Variants in OTOP1 observed in about 807,000 individuals in gnomAD.
OTOP1 encodes otopetrin 1.
In OTOP1, 59 loss-of-function variants were observed where a neutral mutation model predicts 52.9. The ratio of observed to expected loss-of-function variants is 1.12; its 90% CI spans 0.91 to 1.39. The LOEUF (loss-of-function observed/expected upper bound fraction) is 1.39. Ranked by LOEUF, OTOP1 falls within the 40% of genes most tolerant of loss-of-function variation. The pLI is 0.00. For missense variants in OTOP1, 761 were observed against 800.9 expected, an observed-to-expected ratio of 0.95 and a Z score of 0.60; for synonymous variants, 317 against 337.7, an observed-to-expected ratio of 0.94 and a Z score of 0.67.
Position 4,198,021 on chromosome 4 carries a change from G to T in OTOP1, c.813C>A (p.Tyr271Ter), listed in dbSNP as rs140023071. ...TAISHGIYYL[Y>*]PFNIEYQILA... Reference sequence around the variant, plus strand: ...GGATCTGATACTCTATGTTGAAGGGGTAGAGGTAGTAGATCCCGTGGGAGA... The same window carrying T: ...GGATCTGATACTCTATGTTGAAGGGTTAGAGGTAGTAGATCCCGTGGGAGA... Residue 271 changes from tyrosine (Y) to a stop codon, truncating the protein, a stop_gained, in exon 5 of 6, where the codon TAC becomes TAA. Transcript: ENST00000296358. LOFTEE classifies it high-confidence loss of function. 70 of 1,613,994 alleles carry T rather than the reference G, an allele frequency of 4.3e-5. No individual in the cohort carries two copies. The highest frequency in any genetic ancestry group is 5.6e-5 in the Non-Finnish European group (66 of 1,179,988).
intron 3 of OTOP1, among the ~76,000 whole-genome samples, chr4:4,205,358 T>C (rs182791271): frequency 3.2e-4 from 49 of 152,344 alleles, no homozygotes; most frequent in African/African-American, 1.1e-3. Flanking sequence ...CAGGGGACAT[T>C]GCCTCTCCCT....
chr4:4,204,962 C>T (rs1446710119), intron 3 of OTOP1, among the ~76,000 whole-genome samples: 22 of 151,992 alleles, frequency 1.4e-4, no homozygotes, highest in Admixed American at 1.2e-3. Context: ...TTAGTAGAGA[C>T]GGGGTTTCAC....
At chr4:4,195,813 G>A (rs949022363) in intron 5 of OTOP1, among the ~76,000 whole-genome samples, 1 of 152,150 alleles carries the variant, frequency 6.6e-6, no homozygotes, top group Non-Finnish European at 1.5e-5. Flanking sequence ...CCTGCTCCTA[G>A]TACACCTTGC....
At chr4:4,224,226 A>T (rs1421645747) in intron 1 of OTOP1, among the ~76,000 whole-genome samples, 2 of 151,998 alleles carry the variant, frequency 1.3e-5, no homozygotes, top group Non-Finnish European at 2.9e-5. Context: ...AGGCGCCTAT[A>T]ATCCCAGCTA....
At chr4:4,190,646 TGGGA>T (rs1383218561) in intron 5 of OTOP1, among the ~76,000 whole-genome samples, 2 of 152,200 alleles carry the variant, frequency 1.3e-5, no homozygotes, top group Non-Finnish European at 2.9e-5. Context: ...TTAAAGTGTA[TGGGA>T]GGATGGGTAG....
At chr4:4,202,414 G>A in intron 4 of OTOP1, 34 bp downstream of exon 4, 1 of 1,611,330 alleles carries the variant, frequency 6.2e-7, no homozygotes, top group Non-Finnish European at 8.5e-7. Flanking sequence ...ATTCCAACAT[G>A]GCAGAAGGGC....
At chr4:4,192,036 A>G (rs1044397751) in intron 5 of OTOP1, among the ~76,000 whole-genome samples, 12 of 152,206 alleles carry the variant, frequency 7.9e-5, no homozygotes, top group Non-Finnish European at 1.8e-4. Flanking sequence ...TACTTATCCT[A>G]TTGAGAAGTG....
intron 1 of OTOP1, among the ~76,000 whole-genome samples, chr4:4,218,321 G>C (rs1396712768): frequency 1.3e-5 from 2 of 151,692 alleles, no homozygotes; most frequent in Non-Finnish European, 2.9e-5. Context: ...GAACCCGGGA[G>C]GCAGAGGTTG....
intron 5 of OTOP1, among the ~76,000 whole-genome samples, chr4:4,193,979 G>C (rs1260706907): frequency 6.6e-6 from 1 of 152,146 alleles, no homozygotes; most frequent in Non-Finnish European, 1.5e-5. Flanking sequence ...CCTGAGGTTA[G>C]GAGTTCGAGA....
At chr4:4,191,640 C>G (rs553487366) in intron 5 of OTOP1, among the ~76,000 whole-genome samples, 1 of 152,196 alleles carries the variant, frequency 6.6e-6, no homozygotes, top group Non-Finnish European at 1.5e-5. Flanking sequence ...CACCCTTCAG[C>G]GAGGCCTTCT....
chr4:4,208,248 A>C (rs1253873306), intron 2 of OTOP1, among the ~76,000 whole-genome samples: 4 of 152,204 alleles, frequency 2.6e-5, no homozygotes, highest in African/African-American at 7.2e-5. Context: ...CTAGTGGACA[A>C]ATTGTGAGGG....
chr4:4,216,375 C>T (rs1442740738), intron 1 of OTOP1, among the ~76,000 whole-genome samples: 1 of 152,154 alleles, frequency 6.6e-6, no homozygotes, highest in Non-Finnish European at 1.5e-5. Flanking sequence ...AGAGTTCCTC[C>T]TCTCTCTCCT....
intron 5 of OTOP1, among the ~76,000 whole-genome samples, chr4:4,196,555 C>G (rs571776704): frequency 1.3e-5 from 2 of 152,150 alleles, no homozygotes; most frequent in South Asian, 4.1e-4. Flanking sequence ...GAAACTCTGT[C>G]TCAAAAAAAG....
At chr4:4,199,011 C>T (rs1423140931) in intron 4 of OTOP1, among the ~76,000 whole-genome samples, 3 of 151,964 alleles carry the variant, frequency 2.0e-5, no homozygotes, top group African/African-American at 4.8e-5. Flanking sequence ...GCCAACATGG[C>T]GAAACCTCGT....
intron 1 of OTOP1, among the ~76,000 whole-genome samples, chr4:4,213,580 T>C (rs60333828): frequency 0.027 from 4,115 of 152,266 alleles, 191 homozygotes; most frequent in African/African-American, 0.093. Flanking sequence ...CCTTTGGTGG[T>C]TGAGTTTATT....
intron 1 of OTOP1, among the ~76,000 whole-genome samples, chr4:4,219,002 A>G (rs1463771353): frequency 6.6e-6 from 1 of 152,000 alleles, no homozygotes. Flanking sequence ...TTAATGGAAT[A>G]AAAAAATCAC....
In OTOP1 at chr4:4,197,903, C is replaced by G. The variant is rs779906737; in HGVS notation, c.931G>C (p.Val311Leu). The G allele has an allele frequency of 6.2e-7, 1 of 1,614,148 alleles. No homozygotes were observed. The highest frequency in any genetic ancestry group is 8.5e-7 in the Non-Finnish European group (1 of 1,180,026). ...HQKMQFKSDG[V>L]MVGAVLGLTV... ...AGGCCCAGGACTGCGCCCACCATGACCCCATCAGACTTGAACTGCATCTTC... is the reference window on the plus strand; with the variant it reads ...AGGCCCAGGACTGCGCCCACCATGAGCCCATCAGACTTGAACTGCATCTTC... Residue 311 changes from valine (V) to leucine (L), a missense_variant, in exon 5 of 6, where the codon GTC (valine) becomes CTC (leucine). This residue lies in a region of OTOP1 where 632 missense variants were observed against 619.5 expected (regional missense o/e 1.02). Coordinates refer to ENST00000296358, the MANE Select transcript of OTOP1 (RefSeq NM_177998.3).
chr4:4,219,429 C>G (rs545697297), intron 1 of OTOP1, among the ~76,000 whole-genome samples: 8 of 151,984 alleles, frequency 5.3e-5, no homozygotes, highest in African/African-American at 1.7e-4. Context: ...TTGCCGGGCG[C>G]GGTGGCTCAC....
At chr4:4,206,163 G>T in intron 2 of OTOP1, 33 bp from the exon 3 acceptor site, 1 of 1,522,000 alleles carries the variant, frequency 6.6e-7, no homozygotes. Context: ...AAGAAAAATC[G>T]GTGAGACACT....
Sources: allele counts gnomAD v4.1 joint callset (sites outside exome capture counted in the v4.1 genomes callset), GRCh38; gene constraint gnomAD v4.1.1; regional missense constraint gnomAD v4.1.1; transcripts MANE v1.5; gene names NCBI Gene and HGNC (gene_info 2026-07-23, HGNC 2026-07-21).